PCSK6: variants seen among roughly 807,000 people sequenced by gnomAD.
PCSK6 encodes proprotein convertase subtilisin/kexin type 6, also known as paired basic amino acid cleaving enzyme 4.
PCSK6 carries 85 observed loss-of-function variants against 123.3 expected under a neutral mutation model. The observed-to-expected ratio is 0.69, with a 90% CI of 0.58 to 0.83. The LOEUF (loss-of-function observed/expected upper bound fraction) is 0.83, where lower values mean the gene tolerates loss of function less well. Among genes scored for constraint, PCSK6 ranks in the 40% least tolerant of loss-of-function variants. PCSK6 has a pLI of 0.00. For missense variants in PCSK6, 1,191 were observed against 1,282.3 expected (o/e 0.93, Z 1.09); for synonymous variants, 508 against 516.0 (o/e 0.98, Z 0.21).
At chr15:101,378,511 G>A (rs1373150192) in intron 11 of PCSK6, among the ~76,000 whole-genome samples, 1 of 152,254 alleles carries the variant, frequency 6.6e-6, no homozygotes, top group Non-Finnish European at 1.5e-5. Context: ...CCTACCCCGT[G>A]TGGGCTCCTG....
intron 6 of PCSK6, among the ~76,000 whole-genome samples, chr15:101,420,633 G>A (rs1003018033): frequency 2.0e-5 from 3 of 152,134 alleles, no homozygotes; most frequent in African/African-American, 7.2e-5. Context: ...AAAGTGCTGG[G>A]ATTACAAGTG....
chr15:101,475,691 A>T (rs1362397214), intron 1 of PCSK6, among the ~76,000 whole-genome samples: 1 of 129,310 alleles, frequency 7.7e-6, no homozygotes, highest in Non-Finnish European at 1.6e-5. Flanking sequence ...GGAACTTGCC[A>T]TCTTGCCCAG....
At chr15:101,352,071 C>A (rs751104870) in intron 13 of PCSK6, among the ~76,000 whole-genome samples, 1 of 148,662 alleles carries the variant, frequency 6.7e-6, no homozygotes, top group Admixed American at 6.7e-5. Flanking sequence ...ATGGGCTAGA[C>A]AGAAGTGAAA....
At chr15:101,335,327 A>T (rs1464386192) in intron 13 of PCSK6, among the ~76,000 whole-genome samples, 1 of 152,222 alleles carries the variant, frequency 6.6e-6, no homozygotes, top group African/African-American at 2.4e-5. Flanking sequence ...ACTTTTTAAA[A>T]GTTTAATGTT....
intron 12 of PCSK6, among the ~76,000 whole-genome samples, chr15:101,369,612 C>G (rs1427995328): frequency 6.6e-6 from 1 of 152,264 alleles, no homozygotes; most frequent in Admixed American, 6.5e-5. Context: ...TAGAAAGAGA[C>G]AGAAGGTACC....
chr15:101,449,410 G>T (rs764794633), intron 1 of PCSK6, among the ~76,000 whole-genome samples: 6 of 152,056 alleles, frequency 3.9e-5, no homozygotes, highest in Non-Finnish European at 7.4e-5. Flanking sequence ...ATGTATTCAG[G>T]CGTGTGTGTG....
At chr15:101,341,207 T>C (rs562612870) in intron 13 of PCSK6, among the ~76,000 whole-genome samples, 1 of 151,804 alleles carries the variant, frequency 6.6e-6, no homozygotes, top group African/African-American at 2.4e-5. Flanking sequence ...AGTGCTAGGA[T>C]TACAGGTGTG....
intron 13 of PCSK6, among the ~76,000 whole-genome samples, chr15:101,349,151 A>G (rs1158956370): frequency 6.6e-6 from 1 of 152,206 alleles, no homozygotes; most frequent in Non-Finnish European, 1.5e-5. Context: ...AAGAAAGCCA[A>G]GCCCTGTGGG....
chr15:101,329,594 C>T (rs1322818999), intron 15 of PCSK6, among the ~76,000 whole-genome samples: 1 of 152,238 alleles, frequency 6.6e-6, no homozygotes, highest in African/African-American at 2.4e-5. Flanking sequence ...ACACATGGTC[C>T]TGCTCCAGAC....
intron 1 of PCSK6, among the ~76,000 whole-genome samples, chr15:101,456,444 G>A (rs72757606): frequency 0.022 from 3,301 of 152,310 alleles, 52 homozygotes; most frequent in Admixed American, 0.048. Context: ...AGAGGCGTCT[G>A]TCCATTCCCT....
At chr15:101,455,796 C>T (rs749251396) in intron 1 of PCSK6, among the ~76,000 whole-genome samples, 1 of 152,244 alleles carries the variant, frequency 6.6e-6, no homozygotes, top group Non-Finnish European at 1.5e-5. Flanking sequence ...GAAGAAGCTA[C>T]TGATGAGGCA....
Position 101,399,699 on chromosome 15 carries a change from T to G in PCSK6, c.824-1123A>C, listed in dbSNP as rs113643757. Reference sequence around the variant, plus strand: ...GGGAAGCAGGGGGTAATGACGGCCATGGACACACTCTTCCTGGATTCTAGT... The same window carrying G: ...GGGAAGCAGGGGGTAATGACGGCCAGGGACACACTCTTCCTGGATTCTAGT... On this transcript the variant is annotated intron_variant, in intron 6 of 21. Transcript: ENST00000611716. Among the ~76,000 whole-genome samples the G allele has an allele frequency of 7.8e-3, 1,183 of 152,194 alleles. 12 individuals are homozygous for G. The highest frequency in any genetic ancestry group is 0.027 in the African/African-American group (1,103 of 41,532).
chr15:101,415,127 G>T (rs1368482020), intron 6 of PCSK6, among the ~76,000 whole-genome samples: 1 of 152,144 alleles, frequency 6.6e-6, no homozygotes, highest in African/African-American at 2.4e-5. Flanking sequence ...CAGCGAAAAC[G>T]GAAAGAAACT....
chr15:101,325,488 C>G (rs936862522), intron 16 of PCSK6, among the ~76,000 whole-genome samples: 1 of 152,196 alleles, frequency 6.6e-6, no homozygotes, highest in Non-Finnish European at 1.5e-5. Flanking sequence ...CACATGGGCA[C>G]CCGGCTTGAC....
intron 1 of PCSK6, among the ~76,000 whole-genome samples, chr15:101,470,625 TA>T (rs1216691065): frequency 6.6e-6 from 1 of 152,212 alleles, no homozygotes; most frequent in Non-Finnish European, 1.5e-5. Flanking sequence ...AATCTATAAA[TA>T]AAAGTAGCTC....
chr15:101,489,209 C>G (rs1229427118), intron 1 of PCSK6, among the ~76,000 whole-genome samples, 165 bp downstream of exon 1: 4 of 60,898 alleles, frequency 6.6e-5, no homozygotes, highest in African/African-American at 1.9e-4. Flanking sequence ...GGCGACACCC[C>G]CCCCCGCAGG....
At chr15:101,358,068 G>A (rs1370799951) in intron 13 of PCSK6, among the ~76,000 whole-genome samples, 2 of 152,158 alleles carry the variant, frequency 1.3e-5, no homozygotes, top group South Asian at 2.1e-4. Context: ...TGACATCCCC[G>A]TCGCTTGCCC....
At chr15:101,455,513 G>A (rs1457971164) in intron 1 of PCSK6, among the ~76,000 whole-genome samples, 2 of 152,234 alleles carry the variant, frequency 1.3e-5, no homozygotes, top group Non-Finnish European at 2.9e-5. Context: ...CAAACACCAT[G>A]CAAGCTCAGC....
intron 12 of PCSK6, 55 bp from the exon 13 acceptor site, chr15:101,366,387 C>T (rs754590326): frequency 6.1e-5 from 95 of 1,552,230 alleles, no homozygotes; most frequent in South Asian, 5.3e-4. Context: ...AGTGGCTGGG[C>T]GGAGGGGCTG....
Sources: allele counts gnomAD v4.1 joint callset (sites outside exome capture counted in the v4.1 genomes callset), GRCh38; gene constraint gnomAD v4.1.1; transcripts MANE v1.5; gene names NCBI Gene and HGNC (gene_info 2026-07-23, HGNC 2026-07-21).